CNKSR2: variants seen among roughly 807,000 people sequenced by gnomAD.
CNKSR2 encodes connector enhancer of kinase suppressor of Ras 2.
A neutral mutation model predicts 84.4 loss-of-function variants in CNKSR2; 14 were observed. That is an observed-to-expected ratio of 0.17 (90% confidence interval 0.11 to 0.26). The LOEUF is 0.26. Ranked by LOEUF, CNKSR2 falls within the 10% of genes least tolerant of loss-of-function variation. The pLI, the probability that CNKSR2 is intolerant of heterozygous loss-of-function variation, is 1.00. For synonymous variants in CNKSR2, 275 were observed against 277.9 expected, an observed-to-expected ratio of 0.99 and a Z score of 0.10; for missense variants, 485 against 771.2, an observed-to-expected ratio of 0.63 and a Z score of 4.40.
At chrX:21,562,647 C>T (rs1462975193) in intron 12 of CNKSR2, among the ~76,000 whole-genome samples, 1 of 111,574 alleles carries the variant, frequency 9.0e-6, no homozygotes, top group Non-Finnish European at 1.9e-5. Context: ...CATGCTATCT[C>T]AGAGTCACTG....
chrX:21,598,634 A>T (rs1466624114), intron 17 of CNKSR2, among the ~76,000 whole-genome samples: 1 of 112,278 alleles, frequency 8.9e-6, no homozygotes, highest in Non-Finnish European at 1.9e-5. Flanking sequence ...CTTACCTAAA[A>T]TAGCCTTCCC....
At chrX:21,492,947 G>T (rs890547755) in intron 6 of CNKSR2, 1 of 112,022 alleles carries the variant, frequency 8.9e-6, no homozygotes, top group Admixed American at 9.5e-5. Flanking sequence ...GAAAGAAATA[G>T]AAAGCGGTGG....
intron 10 of CNKSR2, among the ~76,000 whole-genome samples, chrX:21,529,172 G>A (rs1421889092): frequency 1.8e-5 from 2 of 110,797 alleles, no homozygotes; most frequent in Non-Finnish European, 1.9e-5. Context: ...AAAAATGATA[G>A]GACTAGTTTT....
chrX:21,440,829 A>G (rs751838751), intron 4 of CNKSR2, 48 bp downstream of exon 4: 25 of 786,669 alleles, frequency 3.2e-5, no homozygotes, highest in Non-Finnish European at 4.5e-5. Context: ...GCAACTTCAT[A>G]TTCCAACAAT....
chrX:21,534,296 A>C (rs1402294501), intron 11 of CNKSR2, among the ~76,000 whole-genome samples: 14 of 103,955 alleles, frequency 1.3e-4, no homozygotes, highest in Non-Finnish European at 6.2e-5. Flanking sequence ...TAATATTCTG[A>C]TATATATATA....
At chrX:21,445,474 T>C (rs1340734125) in intron 4 of CNKSR2, among the ~76,000 whole-genome samples, 1 of 110,865 alleles carries the variant, frequency 9.0e-6, no homozygotes, top group Non-Finnish European at 1.9e-5. Context: ...CTTTTCCAGC[T>C]TTTTGAAAAT....
At chrX:21,412,697 G>A (rs751734520) in intron 1 of CNKSR2, among the ~76,000 whole-genome samples, 2 of 111,578 alleles carry the variant, frequency 1.8e-5, no homozygotes, top group East Asian at 2.8e-4. Context: ...CATAGCATTC[G>A]TAATCAGATG....
At chrX:21,650,225 C>T (rs1035236992) in intron 21 of CNKSR2, among the ~76,000 whole-genome samples, 2 of 111,121 alleles carry the variant, frequency 1.8e-5, no homozygotes, top group Admixed American at 9.5e-5. Flanking sequence ...CACATATACA[C>T]CATGGAATAC....
chrX:21,430,480 A>C (rs1269657618), intron 2 of CNKSR2, among the ~76,000 whole-genome samples: 1 of 111,651 alleles, frequency 9.0e-6, no homozygotes, highest in Non-Finnish European at 1.9e-5. Flanking sequence ...GTGAAATATC[A>C]GTTACCAAGT....
At chrX:21,629,282 C>G (rs1163676164) in intron 20 of CNKSR2, among the ~76,000 whole-genome samples, 1 of 112,029 alleles carries the variant, frequency 8.9e-6, no homozygotes, top group Non-Finnish European at 1.9e-5. Flanking sequence ...CCCACATTTT[C>G]CTGTCTTCTG....
intron 10 of CNKSR2, 52 bp downstream of exon 10, chrX:21,527,052 A>G (rs1183644822): frequency 9.1e-7 from 1 of 1,097,954 alleles, no homozygotes; most frequent in Admixed American, 2.3e-5. Context: ...GGTAAACCTA[A>G]CAGCATATAA....
At chrX:21,426,834 C>G in intron 2 of CNKSR2, 174 bp downstream of exon 2, 1 of 471,642 alleles carries the variant, frequency 2.1e-6, no homozygotes, top group Non-Finnish European at 3.4e-6. Context: ...ATATTAGTGC[C>G]AAATAACAGT....
intron 1 of CNKSR2, among the ~76,000 whole-genome samples, chrX:21,399,055 A>T (rs1322686453): frequency 9.1e-6 from 1 of 110,147 alleles, no homozygotes; most frequent in African/African-American, 3.3e-5. Flanking sequence ...TTTAACTTAG[A>T]TCTCTGCTGG....
At chrX:21,480,615 G>C in intron 5 of CNKSR2, among the ~76,000 whole-genome samples, 1 of 111,487 alleles carries the variant, frequency 9.0e-6, no homozygotes, top group South Asian at 3.8e-4. Flanking sequence ...TCCAATTCTG[G>C]TTTCCAGCTT....
At chrX:21,483,590 T>G (rs1174599430) in intron 5 of CNKSR2, among the ~76,000 whole-genome samples, 1 of 85,233 alleles carries the variant, frequency 1.2e-5, no homozygotes, top group Non-Finnish European at 2.2e-5. Flanking sequence ...TAAAGTATAA[T>G]AAAATATATA....
intron 13 of CNKSR2, among the ~76,000 whole-genome samples, chrX:21,574,763 C>T (rs1241267869): frequency 2.7e-5 from 3 of 111,705 alleles, no homozygotes; most frequent in Non-Finnish European, 5.6e-5. Context: ...ATGTTCATAT[C>T]GCACAAGCAC....
intron 1 of CNKSR2, among the ~76,000 whole-genome samples, chrX:21,395,814 G>A (rs2090113756): frequency 9.0e-6 from 1 of 111,312 alleles, no homozygotes; most frequent in South Asian, 3.7e-4. Flanking sequence ...GAATTTTTCA[G>A]TTTAAGTTTT....
At chrX:21,413,545 A>T (rs1469230013) in intron 1 of CNKSR2, among the ~76,000 whole-genome samples, 1 of 110,920 alleles carries the variant, frequency 9.0e-6, no homozygotes, top group Non-Finnish European at 1.9e-5. Flanking sequence ...TGCTGTCAAA[A>T]AGAATGAACT....
In CNKSR2 at chrX:21,609,135, A is replaced by G. The variant is rs2092535321; in HGVS notation, c.2210A>G (p.Gln737Arg). Residue 737 changes from glutamine (Q) to arginine (R), a missense_variant, in exon 20 of 22, where the codon CAG (glutamine) becomes CGG (arginine). This residue lies in a region of CNKSR2 where 210 missense variants were observed against 291.5 expected (regional missense o/e 0.72). Coordinates refer to ENST00000379510, the MANE Select transcript of CNKSR2 (RefSeq NM_014927.5). ...CGACTTTCCTCCACGGAGACTTCTC[A>G]GTCTCAGTCTTCTCATGAGGAGTTT... ...HSRLSSTETS[Q>R]SQSSHEEFRQ... 1 of 1,211,498 alleles carries G rather than the reference A, an allele frequency of 8.3e-7. No individual in the cohort carries two copies. The highest frequency in any genetic ancestry group is 1.1e-6 in the Non-Finnish European group (1 of 895,358).
Sources: gnomAD v4.1 joint callset for allele counts (sites outside exome capture counted in the v4.1 genomes callset) on GRCh38, gnomAD v4.1.1 for gene constraint, gnomAD v4.1.1 regional missense constraint, MANE v1.5 for transcripts, NCBI Gene and HGNC (gene_info 2026-07-23, HGNC 2026-07-21) for gene names.